Variants in DOP1B observed in about 807,000 individuals in gnomAD.
The protein encoded by DOP1B is protein DOP1B.
A neutral mutation model predicts 233.5 loss-of-function variants in DOP1B; 174 were observed. That is an observed-to-expected ratio of 0.75 (90% CI 0.66 to 0.85). The LOEUF (loss-of-function observed/expected upper bound fraction) is 0.85, where lower values mean the gene tolerates loss of function less well. Among genes scored for constraint, DOP1B ranks in the 40% least tolerant of loss-of-function variants. The pLI is 0.00. For synonymous variants in DOP1B, 1,190 were observed against 1,185.6 expected (o/e 1.00, Z -0.08); for missense variants, 2,652 against 2,846.6 (o/e 0.93, Z 1.56).
In DOP1B at chr21:36,192,692, TC is replaced by T. The variant is rs1372919562; in HGVS notation, c.139-6377del. On this transcript the variant is annotated intron_variant, in intron 2 of 36. Coordinates refer to ENST00000691173, the MANE Select transcript of DOP1B (RefSeq NM_001320714.2). ...AGCCACTATGCCCAGCCACTTTCAT[TC>T]TTTTTTTTTTTTGAAATGGAGTCTC... is the stretch of plus-strand genomic sequence containing the variant. 4.3e-5 allele frequency among the ~76,000 whole-genome samples: 6 copies of T among 140,654 alleles called. No individual in the cohort carries two copies. In the East Asian group the frequency reaches 1.3e-3, roughly 29 times the overall value. 92.3% of individuals were successfully genotyped at this position (140,654 alleles called of 152,430 possible).
At chr21:36,237,943 G>C (rs553607110) in intron 16 of DOP1B, among the ~76,000 whole-genome samples, 8 of 152,266 alleles carry the variant, frequency 5.3e-5, no homozygotes, top group African/African-American at 1.9e-4. Context: ...CAAAGCAGGC[G>C]GATCACCTGA....
intron 2 of DOP1B, among the ~76,000 whole-genome samples, chr21:36,165,953 G>A (rs1198928839): frequency 6.6e-6 from 1 of 151,058 alleles, no homozygotes; most frequent in East Asian, 2.0e-4. Context: ...CTGACCTCAA[G>A]TGATCCACCC....
In DOP1B at chr21:36,172,314, C is replaced by T. The variant is rs185128710; in HGVS notation, c.138+7443C>T. Among the ~76,000 whole-genome samples the T allele has an allele frequency of 5.8e-3, 883 of 152,284 alleles. 6 individuals carry two copies. Among genetic ancestry groups the T allele is most frequent in the Non-Finnish European group, 9.8e-3 (669 of 68,012 alleles). On this transcript the variant is annotated intron_variant, in intron 2 of 36. Coordinates refer to ENST00000691173, the MANE Select transcript of DOP1B (RefSeq NM_001320714.2). ...ACAAGAGCCAGTGTGGATGCCCGCA[C>T]CATTAGGCCTGAGATCAGTTCCTGC... is the stretch of plus-strand genomic sequence containing the variant.
chr21:36,158,815 A>AAG (rs59816581), intron 1 of DOP1B, among the ~76,000 whole-genome samples: 54,935 of 146,628 alleles, frequency 0.37, 10,720 homozygotes, highest in South Asian at 0.5. Context: ...AAAAAAAAAA[A>AAG]AAAGAAAAGA....
In DOP1B at chr21:36,289,034, C is replaced by G. The variant is rs773526260; in HGVS notation, c.6354-11C>G. 1 of 1,609,764 alleles carries G rather than the reference C, an allele frequency of 6.2e-7. No homozygotes were observed. The highest frequency in any genetic ancestry group is 8.5e-7 in the Non-Finnish European group (1 of 1,178,472). On this transcript the variant is annotated splice_polypyrimidine_tract_variant and intron_variant, in intron 34 of 36. Transcript: ENST00000691173. ...TGAATTTATAACAAGCGTTTCTTTG[C>G]AAATTTATAGAAGCACCAACAAAGT...
At chr21:36,179,778 A>G (rs187471038) in intron 2 of DOP1B, among the ~76,000 whole-genome samples, 139 of 152,312 alleles carry the variant, frequency 9.1e-4, no homozygotes, top group African/African-American at 3.2e-3. Context: ...ATAGGAGTGG[A>G]CAAGATCTCG....
At position 36,288,995 on chromosome 21, in the gene DOP1B, A is replaced by G. The variant is rs192061296; in HGVS notation, c.6354-50A>G. 6 of 1,598,530 alleles carry G rather than the reference A, an allele frequency of 3.8e-6. No individual in the cohort carries two copies. In the Admixed American group the frequency reaches 1.1e-4, roughly 28 times the overall value. ...GGGACAGGTCATAGGTGAATGGACT[A>G]TAACAGATCTGAATGAATTTATAAC... On this transcript the variant is annotated intron_variant, in intron 34 of 36. Coordinates refer to ENST00000691173, the MANE Select transcript of DOP1B (RefSeq NM_001320714.2).
Position 36,246,514 on chromosome 21 carries a change from G to A in DOP1B, c.4534G>A (p.Gly1512Ser), listed in dbSNP as rs751495530. ...AVVRGLQPAY[G>S]YGMHPAWVSL... ...GGTGAGGGGTCTGCAGCCCGCCTAC[G>A]GTTACGGCATGCATCCGGCCTGGGT... The change falls in exon 19 of 37, where the codon GGT becomes AGT. Residue 1512 changes from glycine (G) to serine (S), a missense_variant. Gly to Ser is a moderately conservative substitution (Grantham distance 56). This residue lies in a region of DOP1B where 2,617 missense variants were observed against 2,794.3 expected (regional missense o/e 0.94). Coordinates refer to ENST00000691173, the MANE Select transcript of DOP1B (RefSeq NM_001320714.2). This position sits in a 1 kb window ranked among gnomAD's most constrained non-coding sequence, Gnocchi z 5.1. The A allele has an allele frequency of 1.1e-5, 18 of 1,614,148 alleles. No individual in the cohort carries two copies. The highest frequency in any genetic ancestry group is 2.2e-5 in the East Asian group (1 of 44,884).
chr21:36,200,406 C>T lies in DOP1B; in HGVS notation c.396C>T (p.Tyr132=). The T allele has an allele frequency of 6.2e-7, 1 of 1,613,650 alleles. No individual in the cohort carries two copies. The highest frequency in any genetic ancestry group is 8.5e-7 in the Non-Finnish European group (1 of 1,180,012). ...TGCTGCTCACCCTGTACGAGAAGTA[C>T]TTCCTCCCACTGCAGAAGCTGCTCC... ...RPVLLTLYEK[Y]FLPLQKLLLP... is the part of the protein sequence containing the mutation. The change falls in exon 4 of 37, where the codon TAC becomes TAT. Residue 132 remains tyrosine, a synonymous_variant. Transcript: ENST00000691173.
At position 36,263,990 on chromosome 21, in the gene DOP1B, C is replaced by T. The variant is rs112321781; in HGVS notation, c.5487+176C>T. Among the ~76,000 whole-genome samples the T allele has an allele frequency of 1.0e-3, 157 of 152,294 alleles. 2 individuals are homozygous for T. The Middle Eastern group carries it at 0.02, about 20-fold the overall frequency. Reference sequence around the variant, plus strand: ...TGTCTCTAGAGAGTTCGGACAGTCCCGGGGCCCGGGTTTTCTGATGAAGGT... The same window carrying T: ...TGTCTCTAGAGAGTTCGGACAGTCCTGGGGCCCGGGTTTTCTGATGAAGGT... On this transcript the variant is annotated intron_variant, in intron 26 of 36. Coordinates refer to ENST00000691173, the MANE Select transcript of DOP1B (RefSeq NM_001320714.2).
Position 36,245,343 on chromosome 21 carries a change from C to T in DOP1B, c.3363C>T (p.Asp1121=), listed in dbSNP as rs1303182110. The stretch of plus-strand genomic sequence containing the variant: ...CAGATACAAGCTCCTGCCACACGGA[C>T]AGCGAGAACACGTCCTCCTTCTCCT... ...ESADTSSCHT[D]SENTSSFSSP... The change falls in exon 19 of 37, where the codon GAC becomes GAT. Residue 1121 remains aspartate (D), a synonymous_variant. Transcript: ENST00000691173. This position sits in a 1 kb window ranked among gnomAD's most constrained non-coding sequence, Gnocchi z 5.5. The T allele has an allele frequency of 6.2e-7, 1 of 1,614,004 alleles. No individual in the cohort carries two copies.
intron 4 of DOP1B, among the ~76,000 whole-genome samples, chr21:36,203,650 G>GGT (rs888689957): frequency 2.6e-5 from 4 of 151,992 alleles, no homozygotes; most frequent in Non-Finnish European, 4.4e-5. Flanking sequence ...GCAGTGGGGG[G>GGT]GGTCATGATG....
chr21:36,241,864 A>G (rs2123578849), intron 18 of DOP1B, among the ~76,000 whole-genome samples: 1 of 151,654 alleles, frequency 6.6e-6, no homozygotes, highest in East Asian at 1.9e-4. Flanking sequence ...CTTACAGAGA[A>G]AAGCAACCCA....
chr21:36,170,946 A>G (rs2065966975), intron 2 of DOP1B, among the ~76,000 whole-genome samples: 1 of 152,204 alleles, frequency 6.6e-6, no homozygotes. Context: ...AATTTGCAAG[A>G]TACGGTTGGG....
chr21:36,236,053 G>C (rs1008739096), intron 15 of DOP1B, among the ~76,000 whole-genome samples: 1 of 151,900 alleles, frequency 6.6e-6, no homozygotes, highest in Non-Finnish European at 1.5e-5. Context: ...GGCCAAAGAA[G>C]TTATTTGATC....
chr21:36,282,354 G>T (rs557916852), intron 32 of DOP1B, among the ~76,000 whole-genome samples: 1 of 152,244 alleles, frequency 6.6e-6, no homozygotes, highest in East Asian at 1.9e-4. Context: ...GGAGGCCAAG[G>T]TTGCAGTAAG....
At chr21:36,174,300 T>C (rs1296612423) in intron 2 of DOP1B, among the ~76,000 whole-genome samples, 1 of 152,110 alleles carries the variant, frequency 6.6e-6, no homozygotes, top group Non-Finnish European at 1.5e-5. Context: ...CCAGCCTTGC[T>C]GACATGGCGA....
chr21:36,227,452 C>T (rs1381725403), intron 12 of DOP1B, among the ~76,000 whole-genome samples: 1 of 151,230 alleles, frequency 6.6e-6, no homozygotes, highest in Admixed American at 6.6e-5. Flanking sequence ...GAGGCTGAGG[C>T]AGGAGAATGG....
rs144597744 is a variant in DOP1B, at chr21:36,246,328, G to T, written c.4348G>T (p.Val1450Phe). The T allele has an allele frequency of 1.0e-3, 1,625 of 1,613,920 alleles. No homozygotes were observed. Among genetic ancestry groups the T allele is most frequent in the Non-Finnish European group, 1.2e-3 (1,468 of 1,180,012 alleles). The change falls in exon 19 of 37, where the codon GTC becomes TTC. Residue 1450 changes from valine (V) to phenylalanine (F), a missense_variant. Coordinates refer to ENST00000691173, the MANE Select transcript of DOP1B (RefSeq NM_001320714.2). This position sits in a 1 kb window ranked among gnomAD's most constrained non-coding sequence, Gnocchi z 5.1. ...ELLKLLQVLI[V>F]LEHHLGRAHE... ...GCTGAAGCTGCTGCAGGTGCTGATT[G>T]TCTTGGAACACCACCTGGGTCGGGC...
Sources: gnomAD v4.1 joint callset for allele counts (sites outside exome capture counted in the v4.1 genomes callset) on GRCh38, gnomAD v4.1.1 for gene constraint, gnomAD v4.1.1 regional missense constraint, Gnocchi (gnomAD v3.1) non-coding constraint, MANE v1.5 for transcripts, NCBI Gene and HGNC (gene_info 2026-07-23, HGNC 2026-07-21) for gene names.